The following SRGAP1 variants were observed in gnomAD, a reference collection of about 807,000 sequenced individuals.
SRGAP1 encodes the protein SLIT-ROBO Rho GTPase-activating protein 1.
A neutral mutation model predicts 121.9 loss-of-function variants in SRGAP1; 43 were observed. The observed-to-expected ratio is 0.35, with a 90% CI of 0.28 to 0.46. The LOEUF (loss-of-function observed/expected upper bound fraction) is 0.46, where lower values mean the gene tolerates loss of function less well. Among genes scored for constraint, SRGAP1 ranks in the 20% least tolerant of loss-of-function variants. The pLI is 1.00. For synonymous variants in SRGAP1, 447 were observed against 485.4 expected (o/e 0.92, Z 1.04); for missense variants, 1,102 against 1,350.9 (o/e 0.82, Z 2.89).
At chr12:64,108,898 AAAGGACTCTG>A in intron 15 of SRGAP1, 24 bp from the exon 16 acceptor site, 1 of 1,517,268 alleles carries the variant, frequency 6.6e-7, no homozygotes, top group Non-Finnish European at 9.0e-7. Context: ...GTGGCAAGTG[AAAGGACTCTG>A]ACCATGTCAT....
chr12:63,898,341 A>G (rs1046029301), intron 1 of SRGAP1, among the ~76,000 whole-genome samples: 3 of 152,216 alleles, frequency 2.0e-5, no homozygotes, highest in Non-Finnish European at 1.5e-5. Flanking sequence ...TCCCATTTCT[A>G]AGTTATAAGA....
intron 1 of SRGAP1, among the ~76,000 whole-genome samples, chr12:63,894,906 A>C (rs1251094982): frequency 6.6e-6 from 1 of 152,086 alleles, no homozygotes; most frequent in Non-Finnish European, 1.5e-5. Context: ...AGTCTTTGCT[A>C]TTGTGAATAG....
At chr12:64,141,603 T>G (rs1336056325) in intron 21 of SRGAP1, among the ~76,000 whole-genome samples, 2 of 151,940 alleles carry the variant, frequency 1.3e-5, no homozygotes, top group Admixed American at 1.3e-4. Context: ...GTTGAAAATC[T>G]TTTTTTCAAA....
At chr12:64,086,023 A>C (rs2035930802) in intron 10 of SRGAP1, among the ~76,000 whole-genome samples, 1 of 152,188 alleles carries the variant, frequency 6.6e-6, no homozygotes, top group Admixed American at 6.5e-5. Flanking sequence ...GCAGCCTGGA[A>C]GTGTTGGTTC....
At chr12:64,039,811 G>A (rs534395875) in intron 4 of SRGAP1, among the ~76,000 whole-genome samples, 138 of 152,140 alleles carry the variant, frequency 9.1e-4, no homozygotes, top group Non-Finnish European at 1.4e-3. Context: ...GCCCAGCTGC[G>A]GGGTGACTCC....
intron 1 of SRGAP1, among the ~76,000 whole-genome samples, chr12:63,895,350 C>T (rs1900719929): frequency 6.6e-6 from 1 of 152,098 alleles, no homozygotes; most frequent in Non-Finnish European, 1.5e-5. Flanking sequence ...ATGTTTAGCC[C>T]TCTGCCGTCC....
chr12:63,964,204 G>A (rs932156183), intron 1 of SRGAP1, among the ~76,000 whole-genome samples: 5 of 152,038 alleles, frequency 3.3e-5, no homozygotes, highest in Non-Finnish European at 5.9e-5. Context: ...TTATCTAATA[G>A]GATTGGTATA....
intron 4 of SRGAP1, among the ~76,000 whole-genome samples, chr12:64,041,359 TTTTATTTATTTATTTA>T (rs537809038): frequency 1.2e-5 from 1 of 85,714 alleles, no homozygotes; most frequent in African/African-American, 3.0e-5. Context: ...TGGCATTTTA[TTTTATTTATTTATTTA>T]TTTATTTATT....
At chr12:63,944,539 C>T (rs986641935) in intron 1 of SRGAP1, among the ~76,000 whole-genome samples, 1 of 152,292 alleles carries the variant, frequency 6.6e-6, no homozygotes, top group African/African-American at 2.4e-5. Flanking sequence ...GAGGGGGACA[C>T]ACATTCATTC....
intron 4 of SRGAP1, among the ~76,000 whole-genome samples, chr12:64,020,248 C>G (rs997994648): frequency 3.9e-5 from 6 of 152,006 alleles, no homozygotes; most frequent in African/African-American, 1.5e-4. Context: ...TTTTACCAGG[C>G]CAGATTGTGC....
In SRGAP1 at chr12:64,080,307, G is replaced by A. The variant is rs2035814301; in HGVS notation, c.1345G>A (p.Gly449Ser). 6.2e-7 allele frequency: 1 copy of A among 1,612,862 alleles called. No homozygotes were observed. The highest frequency in any genetic ancestry group is 8.5e-7 in the Non-Finnish European group (1 of 1,179,670). ...YFMKLREYLE[G>S]SNLITKLQAK... Reference sequence around the variant, plus strand: ...GCAGAAACTCAGAGAATATTTGGAAGGCAGTAATCTCATCACAAAACTTCA... The same window carrying A: ...GCAGAAACTCAGAGAATATTTGGAAAGCAGTAATCTCATCACAAAACTTCA... The change falls in exon 10 of 22, where the codon GGC becomes AGC. Residue 449 changes from glycine (G) to serine (S), a missense_variant. By Grantham distance (56) the Gly-to-Ser change is moderately conservative. Around this residue, in one of 3 missense-constraint regions of SRGAP1, gnomAD observed 747 missense variants for 929.4 expected, o/e 0.80. Transcript: ENST00000355086.
intron 10 of SRGAP1, among the ~76,000 whole-genome samples, chr12:64,083,939 A>C (rs1361140862): frequency 6.6e-6 from 1 of 152,226 alleles, no homozygotes; most frequent in Non-Finnish European, 1.5e-5. Flanking sequence ...TAGGAGTACA[A>C]GTATACTTTC....
intron 1 of SRGAP1, among the ~76,000 whole-genome samples, chr12:63,876,211 C>T (rs1900023778): frequency 6.6e-6 from 1 of 152,134 alleles, no homozygotes; most frequent in Non-Finnish European, 1.5e-5. Context: ...AGAAAACACG[C>T]TTGGAGAAAA....
intron 17 of SRGAP1, among the ~76,000 whole-genome samples, chr12:64,114,263 T>G (rs1026609335): frequency 6.6e-6 from 1 of 151,576 alleles, no homozygotes; most frequent in Non-Finnish European, 1.5e-5. Flanking sequence ...AACTCAACCC[T>G]GCTGAGATAC....
At chr12:64,130,727 A>G (rs940491218) in intron 21 of SRGAP1, among the ~76,000 whole-genome samples, 1 of 152,242 alleles carries the variant, frequency 6.6e-6, no homozygotes, top group African/African-American at 2.4e-5. Context: ...GCCATAAAGT[A>G]AGTGCCTTGG....
chr12:64,009,999 C>G (rs757998625), intron 3 of SRGAP1, among the ~76,000 whole-genome samples: 22 of 152,086 alleles, frequency 1.4e-4, no homozygotes, highest in Non-Finnish European at 2.6e-4. Context: ...CAGAGTTTAC[C>G]TGAATTAAGG....
intron 6 of SRGAP1, among the ~76,000 whole-genome samples, chr12:64,048,620 C>A (rs1217032918): frequency 6.6e-6 from 1 of 152,168 alleles, no homozygotes; most frequent in Non-Finnish European, 1.5e-5. Context: ...TTCCCACCAA[C>A]AGTGTACACA....
At chr12:63,873,705 G>A (rs1387678331) in intron 1 of SRGAP1, among the ~76,000 whole-genome samples, 1 of 151,806 alleles carries the variant, frequency 6.6e-6, no homozygotes, top group Non-Finnish European at 1.5e-5. Flanking sequence ...GTCTCACCCT[G>A]TTGCCCAGGC....
intron 1 of SRGAP1, among the ~76,000 whole-genome samples, chr12:63,955,913 A>G (rs2032449383): frequency 6.6e-6 from 1 of 152,144 alleles, no homozygotes; most frequent in Admixed American, 6.5e-5. Flanking sequence ...TTCTGATTAT[A>G]AATCACTTCC....
Sources: allele counts gnomAD v4.1 joint callset (sites outside exome capture counted in the v4.1 genomes callset), GRCh38; gene constraint gnomAD v4.1.1; regional missense constraint gnomAD v4.1.1; transcripts MANE v1.5; gene names NCBI Gene and HGNC (gene_info 2026-07-23, HGNC 2026-07-21).